Variants in MAP4K5 observed in about 807,000 individuals in gnomAD.
The protein encoded by MAP4K5 is MAPK/ERK kinase kinase kinase 5.
Under a neutral mutation model 135.6 loss-of-function variants are expected in MAP4K5, and 82 were observed. The observed-to-expected ratio is 0.60, with a 90% CI of 0.51 to 0.73. The LOEUF (loss-of-function observed/expected upper bound fraction) is 0.73. Ranked by LOEUF, MAP4K5 falls within the 30% of genes least tolerant of loss-of-function variation. MAP4K5 has a pLI of 0.00. For synonymous variants in MAP4K5, 347 were observed against 335.0 expected, an observed-to-expected ratio of 1.04 and a Z score of -0.39; for missense variants, 907 against 1,010.9, an observed-to-expected ratio of 0.90 and a Z score of 1.39.
chr14:50,498,855 A>T (rs1313466918), intron 3 of MAP4K5, among the ~76,000 whole-genome samples: 9 of 152,250 alleles, frequency 5.9e-5, no homozygotes. Flanking sequence ...TCATCTGTTA[A>T]ATCAATACAA....
chr14:50,510,149 C>T (rs1389005710), intron 2 of MAP4K5, among the ~76,000 whole-genome samples: 1 of 152,006 alleles, frequency 6.6e-6, no homozygotes, highest in Non-Finnish European at 1.5e-5. Context: ...TTTGAGGAAC[C>T]AAAAGAAAAT....
chr14:50,437,602 T>C lies in MAP4K5; in HGVS notation c.1824-68A>G, dbSNP rs1566639690. 7.3e-6 allele frequency: 8 copies of C among 1,090,820 alleles called. 1 individual carries two copies. The highest frequency in any genetic ancestry group is 5.9e-5 in the South Asian group (4 of 68,068). 67.6% of individuals were successfully genotyped at this position (1,090,820 alleles called of 1,614,324 possible). A position where few individuals can be genotyped will look rare whatever the true frequency, so the allele number is the denominator to read the frequency against. The stretch of plus-strand genomic sequence containing the variant: ...TACAACACAATGATTTGTAAATCAG[T>C]TGCATCAGAATCAGACAGAAAGGAG... On this transcript the variant is annotated intron_variant, in intron 25 of 32. Transcript: ENST00000682126.
chr14:50,500,134 G>C (rs550561588), intron 3 of MAP4K5, among the ~76,000 whole-genome samples: 2 of 152,166 alleles, frequency 1.3e-5, no homozygotes, highest in Non-Finnish European at 2.9e-5. Flanking sequence ...TGCAGTGTCC[G>C]TTACATGCTT....
At chr14:50,488,006 A>T (rs2037404234) in intron 3 of MAP4K5, among the ~76,000 whole-genome samples, 1 of 152,180 alleles carries the variant, frequency 6.6e-6, no homozygotes, top group African/African-American at 2.4e-5. Context: ...TATATATATT[A>T]ACACATATAT....
intron 2 of MAP4K5, among the ~76,000 whole-genome samples, chr14:50,523,884 T>A (rs2038204692): frequency 6.6e-6 from 1 of 152,132 alleles, no homozygotes; most frequent in Non-Finnish European, 1.5e-5. Context: ...CAGTTCTCCA[T>A]CCCAGCTCCC....
chr14:50,532,925 C>G (rs2038436918), upstream of MAP4K5: 1 of 152,340 alleles, frequency 6.6e-6, no homozygotes, highest in African/African-American at 2.4e-5. Context: ...GAACGTAGCC[C>G]TCCAAGTTAA....
chr14:50,507,699 T>G (rs1315900039), intron 2 of MAP4K5, among the ~76,000 whole-genome samples: 1 of 152,238 alleles, frequency 6.6e-6, no homozygotes, highest in Admixed American at 6.5e-5. Context: ...TTGATTGCAC[T>G]GTGGTCTGAG....
intron 31 of MAP4K5, among the ~76,000 whole-genome samples, chr14:50,424,938 T>C (rs961087123): frequency 2.6e-5 from 4 of 152,160 alleles, no homozygotes; most frequent in African/African-American, 9.7e-5. Context: ...GATAAACTTA[T>C]ATATTCAAAG....
At chr14:50,525,552 G>C (rs890470858) in intron 2 of MAP4K5, among the ~76,000 whole-genome samples, 1 of 152,102 alleles carries the variant, frequency 6.6e-6, no homozygotes, top group South Asian at 2.1e-4. Context: ...TGTTTCTCTA[G>C]TCCGGGCACA....
chr14:50,454,812 C>G (rs2139772996), intron 14 of MAP4K5, among the ~76,000 whole-genome samples: 1 of 151,572 alleles, frequency 6.6e-6, no homozygotes, highest in East Asian at 1.9e-4. Flanking sequence ...TTTTTTTTAA[C>G]CACATAAGCT....
At chr14:50,440,229 A>G (rs939686123) in intron 22 of MAP4K5, 133 bp downstream of exon 22, 1 of 778,818 alleles carries the variant, frequency 1.3e-6, no homozygotes, top group Non-Finnish European at 2.0e-6. Flanking sequence ...ACATGCAAAG[A>G]GTACAATTTT....
chr14:50,434,593 G>C (rs200642823), intron 27 of MAP4K5, 22 bp from the exon 28 acceptor site: 9 of 1,557,292 alleles, frequency 5.8e-6, no homozygotes, highest in African/African-American at 1.4e-5. Context: ...ATAAACAATA[G>C]AGCCATAATT....
intron 3 of MAP4K5, among the ~76,000 whole-genome samples, chr14:50,498,173 A>C (rs943952294): frequency 2.0e-5 from 3 of 152,234 alleles, no homozygotes; most frequent in Non-Finnish European, 4.4e-5. Context: ...ACATGGTGGC[A>C]TGAACCATCA....
At chr14:50,469,933 T>C (rs1009891761) in intron 9 of MAP4K5, among the ~76,000 whole-genome samples, 6 of 152,220 alleles carry the variant, frequency 3.9e-5, no homozygotes, top group Admixed American at 3.9e-4. Flanking sequence ...ACACCCTGTC[T>C]CTCAAGTGTG....
At chr14:50,456,988 T>C (rs1254149076) in intron 13 of MAP4K5, among the ~76,000 whole-genome samples, 1 of 152,234 alleles carries the variant, frequency 6.6e-6, no homozygotes, top group Non-Finnish European at 1.5e-5. Flanking sequence ...TAATCTCATC[T>C]GGGGCTCTGA....
At chr14:50,530,082 G>C (rs2038353752) in intron 2 of MAP4K5, among the ~76,000 whole-genome samples, 1 of 152,238 alleles carries the variant, frequency 6.6e-6, no homozygotes. Flanking sequence ...GGCTGGCCTA[G>C]TGTGCAATGA....
intron 1 of MAP4K5, among the ~76,000 whole-genome samples, chr14:50,558,518 G>A (rs1452230583): frequency 6.6e-6 from 1 of 152,146 alleles, no homozygotes; most frequent in Non-Finnish European, 1.5e-5. Context: ...ATTTATTTAA[G>A]CATTTTTTTG....
chr14:50,484,068 C>G (rs2037312376), intron 5 of MAP4K5, among the ~76,000 whole-genome samples: 1 of 152,000 alleles, frequency 6.6e-6, no homozygotes, highest in Admixed American at 6.6e-5. Context: ...ACCATGTTGG[C>G]TAGGCTGGTC....
At chr14:50,488,158 A>G (rs2037407827) in intron 3 of MAP4K5, among the ~76,000 whole-genome samples, 1 of 152,138 alleles carries the variant, frequency 6.6e-6, no homozygotes, top group African/African-American at 2.4e-5. Flanking sequence ...GGAAGCAGGC[A>G]AGTCTGACAC....
Sources: gnomAD v4.1 joint callset for allele counts (sites outside exome capture counted in the v4.1 genomes callset) on GRCh38, gnomAD v4.1.1 for gene constraint, MANE v1.5 for transcripts, NCBI Gene and HGNC (gene_info 2026-07-23, HGNC 2026-07-21) for gene names.